Variants in GALNT13 observed in about 807,000 individuals in gnomAD.
The protein encoded by GALNT13 is polypeptide N-acetylgalactosaminyltransferase 13, also known as UDP-GalNAc:polypeptide N-acetylgalactosaminyltransferase 13.
Under a neutral mutation model 64.2 loss-of-function variants are expected in GALNT13, and 28 were observed. The observed-to-expected ratio is 0.44, with a 90% CI of 0.32 to 0.60. GALNT13 has a LOEUF of 0.60. GALNT13 is among the 20% of genes least tolerant of loss of function. The pLI, the probability that GALNT13 is intolerant of heterozygous loss-of-function variation, is 0.05. For missense variants in GALNT13, 577 were observed against 669.8 expected (o/e 0.86, Z 1.53); for synonymous variants, 214 against 224.6 (o/e 0.95, Z 0.42).
the GALNT13 span, among the ~76,000 whole-genome samples, chr2:153,728,918 C>T: frequency 6.6e-5 from 10 of 152,280 alleles, no homozygotes; most frequent in African/African-American, 2.4e-4. Context: ...GACACATTCA[C>T]CCTCCCAAGA....
intron 8 of GALNT13, among the ~76,000 whole-genome samples, chr2:154,295,921 C>T (rs1429382663): frequency 6.6e-6 from 1 of 152,092 alleles, no homozygotes; most frequent in Non-Finnish European, 1.5e-5. Flanking sequence ...CTATTGGTGG[C>T]CTTACCCAGG....
At chr2:153,926,763 G>T (rs1690166061) in intron 2 of GALNT13, among the ~76,000 whole-genome samples, 1 of 151,960 alleles carries the variant, frequency 6.6e-6, no homozygotes, top group African/African-American at 2.4e-5. Flanking sequence ...GTACACATCG[G>T]CACAAATATC....
chr2:153,492,474 G>A, the GALNT13 span, among the ~76,000 whole-genome samples: 1 of 152,194 alleles, frequency 6.6e-6, no homozygotes, highest in African/African-American at 2.4e-5. Flanking sequence ...AATAACAGGT[G>A]AGTGCAAGCG....
At chr2:153,400,347 G>T in the GALNT13 span, among the ~76,000 whole-genome samples, 5 of 152,072 alleles carry the variant, frequency 3.3e-5, no homozygotes, top group Admixed American at 6.6e-5. Context: ...TTGAGGATTT[G>T]TGCATCGATG....
At chr2:154,186,174 C>T (rs1436455072) in intron 4 of GALNT13, among the ~76,000 whole-genome samples, 3 of 151,852 alleles carry the variant, frequency 2.0e-5, no homozygotes, top group African/African-American at 7.2e-5. Flanking sequence ...AAATCTACTA[C>T]TGTCAGCTGT....
At chr2:153,168,110 C>T in the GALNT13 span, among the ~76,000 whole-genome samples, 3 of 152,114 alleles carry the variant, frequency 2.0e-5, no homozygotes, top group Non-Finnish European at 4.4e-5. Context: ...GCTGATGGTA[C>T]TTAAATATTG....
the GALNT13 span, among the ~76,000 whole-genome samples, chr2:153,494,074 C>CA: frequency 5.1e-3 from 739 of 144,660 alleles, 7 homozygotes; most frequent in Middle Eastern, 0.01. Flanking sequence ...ATAATTTTAG[C>CA]AAAAAAAAAA....
At chr2:153,486,928 A>T in the GALNT13 span, among the ~76,000 whole-genome samples, 1 of 152,186 alleles carries the variant, frequency 6.6e-6, no homozygotes, top group Non-Finnish European at 1.5e-5. Context: ...CAAGAGTTGC[A>T]CCAGCTTCAA....
intron 4 of GALNT13, among the ~76,000 whole-genome samples, chr2:154,161,014 A>G (rs899402126): frequency 9.2e-5 from 14 of 152,146 alleles, no homozygotes; most frequent in Non-Finnish European, 1.9e-4. Context: ...TCTTATCTCT[A>G]TGCTTACCAC....
At chr2:154,266,886 A>T (rs1414312114) in intron 8 of GALNT13, among the ~76,000 whole-genome samples, 1 of 151,978 alleles carries the variant, frequency 6.6e-6, no homozygotes, top group East Asian at 1.9e-4. Context: ...TATACAAGGG[A>T]TGTATAATAG....
At chr2:153,476,236 T>C in the GALNT13 span, among the ~76,000 whole-genome samples, 1 of 152,218 alleles carries the variant, frequency 6.6e-6, no homozygotes, top group Non-Finnish European at 1.5e-5. Flanking sequence ...TTAAAGGCAC[T>C]CAAAACTTTT....
At chr2:153,688,755 A>C in the GALNT13 span, among the ~76,000 whole-genome samples, 1 of 151,988 alleles carries the variant, frequency 6.6e-6, no homozygotes, top group East Asian at 1.9e-4. Flanking sequence ...ACATGCATTC[A>C]TGTTGTTACA....
downstream of GALNT13, chr2:154,454,752 A>G (rs1346895047): frequency 1.3e-5 from 2 of 152,172 alleles, no homozygotes; most frequent in Non-Finnish European, 1.5e-5. Context: ...AAGCACTAAG[A>G]CCTACAGCAG....
intron 4 of GALNT13, among the ~76,000 whole-genome samples, chr2:154,156,708 AG>A (rs1322447192): frequency 1.3e-5 from 2 of 152,184 alleles, no homozygotes; most frequent in Non-Finnish European, 2.9e-5. Flanking sequence ...AGAACACCAA[AG>A]AATATAAAAG....
the GALNT13 span, among the ~76,000 whole-genome samples, chr2:153,380,894 T>C: frequency 6.6e-6 from 1 of 152,122 alleles, no homozygotes; most frequent in Admixed American, 6.6e-5. Context: ...TGAGAAATTA[T>C]AGCATTTAGT....
chr2:154,197,260 T>C lies in GALNT13; in HGVS notation c.312-44770T>C, dbSNP rs182940755. On this transcript the variant is annotated intron_variant, in intron 4 of 12. Transcript: ENST00000392825. ...AAAGAAAGAAATGTCTCTTAAGACA[T>C]TTTCTTTAAGCCAAAAACATGAATG... 2.7e-3 allele frequency among the ~76,000 whole-genome samples: 412 copies of C among 152,202 alleles called. 4 individuals are homozygous for C. The highest frequency in any genetic ancestry group is 9.8e-3 in the African/African-American group (408 of 41,530).
At chr2:153,792,255 A>G in the GALNT13 span, among the ~76,000 whole-genome samples, 2 of 152,080 alleles carry the variant, frequency 1.3e-5, no homozygotes, top group Non-Finnish European at 2.9e-5. Flanking sequence ...TTTTTAAAAA[A>G]GATAGTTCCA....
chr2:153,684,346 T>C, the GALNT13 span, among the ~76,000 whole-genome samples: 2 of 151,760 alleles, frequency 1.3e-5, no homozygotes, highest in East Asian at 1.9e-4. Context: ...ACTGTCATTA[T>C]GTATGAGCTC....
intron 9 of GALNT13, among the ~76,000 whole-genome samples, chr2:154,390,408 T>C (rs1256341375): frequency 6.6e-6 from 1 of 152,160 alleles, no homozygotes; most frequent in Non-Finnish European, 1.5e-5. Flanking sequence ...GACTACAGTG[T>C]GTATTGTTCC....
Sources: allele counts gnomAD v4.1 joint callset (sites outside exome capture counted in the v4.1 genomes callset), GRCh38; gene constraint gnomAD v4.1.1; transcripts MANE v1.5; gene names NCBI Gene and HGNC (gene_info 2026-07-23, HGNC 2026-07-21).